The following PCSK2 variants were observed in gnomAD, a reference collection of about 807,000 sequenced individuals.
PCSK2 encodes neuroendocrine convertase 2.
Under a neutral mutation model 69.7 loss-of-function variants are expected in PCSK2, and 14 were observed. That is an observed-to-expected ratio of 0.20 (90% CI 0.13 to 0.31). The LOEUF is 0.31. Ranked by LOEUF, PCSK2 falls within the 10% of genes least tolerant of loss-of-function variation. The pLI is 1.00. For missense variants in PCSK2, 544 were observed against 842.5 expected (o/e 0.65, Z 4.39); for synonymous variants, 307 against 320.7 (o/e 0.96, Z 0.46).
At chr20:17,294,403 G>C (rs1037725839) in intron 2 of PCSK2, among the ~76,000 whole-genome samples, 1 of 152,200 alleles carries the variant, frequency 6.6e-6, no homozygotes, top group Non-Finnish European at 1.5e-5. Flanking sequence ...GCCGCGCCCG[G>C]CCTGCAGTCC....
chr20:17,325,550 G>A (rs780699536), intron 2 of PCSK2, among the ~76,000 whole-genome samples: 2 of 152,164 alleles, frequency 1.3e-5, no homozygotes, highest in Non-Finnish European at 2.9e-5. Context: ...CTCAATGGTA[G>A]GTCATATCTC....
chr20:17,241,718 G>A (rs1609656), intron 1 of PCSK2, among the ~76,000 whole-genome samples: 54,643 of 151,946 alleles, frequency 0.36, 10,196 homozygotes, highest in Middle Eastern at 0.47. Flanking sequence ...TATCCATGAA[G>A]ATTAGTCCAG....
chr20:17,292,421 G>A (rs1988729107), intron 2 of PCSK2, among the ~76,000 whole-genome samples: 1 of 152,116 alleles, frequency 6.6e-6, no homozygotes, highest in Non-Finnish European at 1.5e-5. Flanking sequence ...TTAACAATAT[G>A]CATCTACATG....
chr20:17,398,219 T>C (rs974403852), intron 5 of PCSK2, among the ~76,000 whole-genome samples: 3 of 152,056 alleles, frequency 2.0e-5, no homozygotes, highest in African/African-American at 7.2e-5. Flanking sequence ...TGCCACCCAT[T>C]TCACAAATAA....
intron 8 of PCSK2, among the ~76,000 whole-genome samples, chr20:17,451,232 C>T (rs1343063991): frequency 6.6e-6 from 1 of 152,244 alleles, no homozygotes; most frequent in Admixed American, 6.5e-5. Context: ...AACAGGCTGA[C>T]AATTGCTCTC....
At chr20:17,237,562 G>A (rs902594759) in intron 1 of PCSK2, among the ~76,000 whole-genome samples, 32 of 152,072 alleles carry the variant, frequency 2.1e-4, no homozygotes, top group African/African-American at 7.2e-5. Flanking sequence ...AAGAAGGAAA[G>A]AAGGAAGCAA....
chr20:17,275,799 G>A (rs193294132), intron 2 of PCSK2, among the ~76,000 whole-genome samples: 12 of 152,128 alleles, frequency 7.9e-5, no homozygotes, highest in Non-Finnish European at 1.3e-4. Flanking sequence ...CTAAATTCTT[G>A]TAACCTTCTA....
Position 17,260,341 on chromosome 20 carries a change from C to A in PCSK2, c.279C>A (p.Pro93=). The A allele has an allele frequency of 1.2e-6, 2 of 1,608,506 alleles. No individual in the cohort carries two copies. The highest frequency in any genetic ancestry group is 1.7e-6 in the Non-Finnish European group (2 of 1,174,936). ...LHHKQQLERD[P]RVKMALQQEG... is the part of the protein sequence containing the mutation. Reference sequence around the variant, plus strand: ...ACAAGCAGCAGCTGGAGAGAGACCCCAGGGTGAGTTTTCCCCAGAAACCTG... The same window carrying A: ...ACAAGCAGCAGCTGGAGAGAGACCCAAGGGTGAGTTTTCCCCAGAAACCTG... The change falls in exon 2 of 12, where the codon CCC becomes CCA. Residue 93 remains proline, a synonymous_variant. Coordinates refer to ENST00000262545, the MANE Select transcript of PCSK2 (RefSeq NM_002594.5).
At chr20:17,462,083 C>G (rs1009083673) in intron 10 of PCSK2, among the ~76,000 whole-genome samples, 2 of 152,118 alleles carry the variant, frequency 1.3e-5, no homozygotes, top group East Asian at 3.9e-4. Context: ...TACCCTAAGC[C>G]CACTGGAGAT....
At chr20:17,378,176 A>C (rs758733057) in intron 5 of PCSK2, among the ~76,000 whole-genome samples, 3 of 152,220 alleles carry the variant, frequency 2.0e-5, no homozygotes, top group African/African-American at 4.8e-5. Context: ...CAATAGCTAG[A>C]AAAAGCAAGT....
intron 6 of PCSK2, among the ~76,000 whole-genome samples, chr20:17,423,037 G>A (rs530610083): frequency 1.3e-3 from 205 of 152,226 alleles, no homozygotes; most frequent in African/African-American, 4.8e-3. Context: ...ACATCTTTAT[G>A]ATCATGACAT....
intron 6 of PCSK2, among the ~76,000 whole-genome samples, chr20:17,422,025 A>G (rs1012777285): frequency 6.6e-6 from 1 of 152,138 alleles, no homozygotes; most frequent in Non-Finnish European, 1.5e-5. Flanking sequence ...TGATAAATGC[A>G]TGGGTGACAT....
intron 2 of PCSK2, among the ~76,000 whole-genome samples, chr20:17,296,492 C>T (rs553397290): frequency 5.9e-5 from 9 of 152,318 alleles, no homozygotes; most frequent in African/African-American, 9.6e-5. Context: ...CTCACCTGGA[C>T]GCCATCTGTT....
rs559258097 is a variant in PCSK2 at position 17,353,357 on chromosome 20, C to G, written c.283-4970C>G. On this transcript the variant is annotated intron_variant, in intron 2 of 11. Coordinates refer to ENST00000262545, the MANE Select transcript of PCSK2 (RefSeq NM_002594.5). Reference sequence around the variant, plus strand: ...GCACACGCCTATAGTCCCAGCTACTCGGGTGGCTGAGGCAGGAGAATCGCT... The same window carrying G: ...GCACACGCCTATAGTCCCAGCTACTGGGGTGGCTGAGGCAGGAGAATCGCT... 3.3e-5 allele frequency among the ~76,000 whole-genome samples: 5 copies of G among 151,110 alleles called. No homozygotes were observed. The East Asian group carries it at 9.8e-4, about 30-fold the overall frequency.
At chr20:17,267,644 T>C (rs559797040) in intron 2 of PCSK2, among the ~76,000 whole-genome samples, 106 of 152,218 alleles carry the variant, frequency 7.0e-4, no homozygotes, top group Non-Finnish European at 1.4e-3. Context: ...GTAAGCCTGG[T>C]TTTTTTCTAG....
At chr20:17,255,317 G>T (rs1301242336) in intron 1 of PCSK2, among the ~76,000 whole-genome samples, 1 of 152,030 alleles carries the variant, frequency 6.6e-6, no homozygotes, top group Non-Finnish European at 1.5e-5. Context: ...AGATTTATCA[G>T]ATTGAGAAAG....
In PCSK2 at chr20:17,358,318, T is replaced by C. The variant is rs1385290790; in HGVS notation, c.283-9T>C. On this transcript the variant is annotated splice_polypyrimidine_tract_variant and intron_variant, in intron 2 of 11. Transcript: ENST00000262545. ...ATATTCAGGTAATATGTCAGCATTGTCATTCCAGGTAAAGATGGCTTTGCA... is the reference window on the plus strand; with the variant it reads ...ATATTCAGGTAATATGTCAGCATTGCCATTCCAGGTAAAGATGGCTTTGCA... 1.3e-6 allele frequency: 2 copies of C among 1,508,016 alleles called. No homozygotes were observed. Among genetic ancestry groups the C allele is most frequent in the East Asian group, 2.3e-5 (1 of 44,294 alleles). 93.4% of individuals were successfully genotyped at this position (1,508,016 alleles called of 1,614,324 possible).
intron 2 of PCSK2, among the ~76,000 whole-genome samples, chr20:17,282,562 T>A (rs1988354704): frequency 6.6e-6 from 1 of 152,152 alleles, no homozygotes; most frequent in African/African-American, 2.4e-5. Flanking sequence ...CATGCCAACA[T>A]AATACCTCCT....
At chr20:17,253,372 C>A (rs1324519045) in intron 1 of PCSK2, among the ~76,000 whole-genome samples, 2 of 152,142 alleles carry the variant, frequency 1.3e-5, no homozygotes, top group Admixed American at 1.3e-4. Context: ...TCATTTCTGT[C>A]CCCTCTCAGC....
Sources: allele counts gnomAD v4.1 joint callset (sites outside exome capture counted in the v4.1 genomes callset), GRCh38; gene constraint gnomAD v4.1.1; transcripts MANE v1.5; gene names NCBI Gene and HGNC (gene_info 2026-07-23, HGNC 2026-07-21).